Variants in TRIM23 observed in about 807,000 individuals in gnomAD.
TRIM23 encodes the protein tripartite motif containing 23.
A neutral mutation model predicts 71.0 loss-of-function variants in TRIM23; 27 were observed. That is an observed-to-expected ratio of 0.38 (90% CI 0.28 to 0.52). The LOEUF is 0.52. TRIM23 is among the 20% of genes least tolerant of loss of function. The pLI is 0.84. For missense variants in TRIM23, 482 were observed against 692.3 expected, an observed-to-expected ratio of 0.70 and a Z score of 3.41; for synonymous variants, 234 against 238.0, an observed-to-expected ratio of 0.98 and a Z score of 0.16.
rs1754820121 is a variant in TRIM23, at chr5:65,618,089, C to T, written c.244+4G>A. ...TCTTAAATCCATACAAATACTTTTCCTACCTAGGTCTGTTACTTGTCGATC... is the reference window on the plus strand; with the variant it reads ...TCTTAAATCCATACAAATACTTTTCTTACCTAGGTCTGTTACTTGTCGATC... On this transcript the variant is annotated splice_donor_region_variant and intron_variant, in intron 2 of 10. Coordinates refer to ENST00000231524, the MANE Select transcript of TRIM23 (RefSeq NM_001656.4). 2.5e-6 allele frequency: 4 copies of T among 1,585,084 alleles called. No individual in the cohort carries two copies. The highest frequency in any genetic ancestry group is 3.4e-6 in the Non-Finnish European group (4 of 1,166,468).
Position 65,591,199 on chromosome 5 carries a change from C to A in TRIM23, c.*570G>T. The A allele has an allele frequency of 8.5e-7, 1 of 1,170,924 alleles. No individual in the cohort carries two copies. Among genetic ancestry groups the A allele is most frequent in the Non-Finnish European group, 1.1e-6 (1 of 947,120 alleles). 72.5% of individuals were successfully genotyped at this position (1,170,924 alleles called of 1,614,324 possible). ...TATATAAAGTATTAATTTTCTGTAC[C>A]TTATAGTTCTTAGCATTAAAGGTGT... On this transcript the variant is annotated 3_prime_UTR_variant, in exon 11 of 11. Coordinates refer to ENST00000231524, the MANE Select transcript of TRIM23 (RefSeq NM_001656.4).
intron 1 of TRIM23, 87 bp from the exon 2 acceptor site, chr5:65,618,342 T>C: frequency 3.7e-6 from 5 of 1,344,126 alleles, no homozygotes; most frequent in African/African-American, 1.5e-5. Context: ...ACCTAATATA[T>C]TGAATCAACA....
chr5:65,608,070 G>A (rs1325998328), intron 6 of TRIM23, among the ~76,000 whole-genome samples: 1 of 152,230 alleles, frequency 6.6e-6, no homozygotes, highest in African/African-American at 2.4e-5. Context: ...AAGGAACTCT[G>A]AGGTATTAAG....
chr5:65,620,521 T>C (rs62372485), intron 1 of TRIM23, among the ~76,000 whole-genome samples: 11,265 of 152,138 alleles, frequency 0.074, 422 homozygotes, highest in East Asian at 0.096. Flanking sequence ...TTTCATATGA[T>C]TAAAACAAAA....
Position 65,611,642 on chromosome 5 carries a change from G to A in TRIM23, c.606C>T (p.Cys202=). 1 of 1,614,146 alleles carries A rather than the reference G, an allele frequency of 6.2e-7. No individual in the cohort carries two copies. Among genetic ancestry groups the A allele is most frequent in the Non-Finnish European group, 8.5e-7 (1 of 1,180,014 alleles). The change falls in exon 4 of 11, where the codon TGC becomes TGT. Residue 202 remains cysteine (C), a synonymous_variant. Transcript: ENST00000231524. ...EEGCQTSPLM[C]CVCKEYGKHQ... ...GTTTTCCATATTCTTTGCAGACACA[G>A]CACATGAGTGGGCTAGTTTGACAAC... is the stretch of plus-strand genomic sequence containing the variant.
intron 7 of TRIM23, among the ~76,000 whole-genome samples, chr5:65,601,289 T>C (rs139259751): frequency 2.1e-4 from 32 of 152,224 alleles, no homozygotes; most frequent in African/African-American, 6.0e-4. Flanking sequence ...GGTATACACA[T>C]TGTATTAGTC....
intron 5 of TRIM23, among the ~76,000 whole-genome samples, chr5:65,609,974 GTC>G (rs1456271869): frequency 3.3e-5 from 5 of 152,088 alleles, no homozygotes; most frequent in African/African-American, 1.2e-4. Flanking sequence ...TAGCCCACTA[GTC>G]CCTCAGCAAA....
chr5:65,595,941 A>C (rs1181238432), intron 9 of TRIM23, among the ~76,000 whole-genome samples: 1 of 152,190 alleles, frequency 6.6e-6, no homozygotes, highest in Non-Finnish European at 1.5e-5. Flanking sequence ...GATATGATAT[A>C]ATACGGTTTG....
intron 5 of TRIM23, among the ~76,000 whole-genome samples, chr5:65,610,256 AAAC>A (rs1754616895): frequency 6.6e-6 from 1 of 152,194 alleles, no homozygotes; most frequent in African/African-American, 2.4e-5. Flanking sequence ...TCTACATTTA[AAAC>A]AACCTTTCTT....
At position 65,590,250 on chromosome 5, in the gene TRIM23, C is replaced by A. The variant is rs369536994; in HGVS notation, c.*1519G>T. 3 of 1,048,140 alleles carry A rather than the reference C, an allele frequency of 2.9e-6. No individual in the cohort carries two copies. Among genetic ancestry groups the A allele is most frequent in the East Asian group, 2.5e-5 (1 of 39,280 alleles). 64.9% of individuals were successfully genotyped at this position (1,048,140 alleles called of 1,614,324 possible). A position where few individuals can be genotyped will look rare whatever the true frequency, so the allele number is the denominator to read the frequency against. ...CAGTCAAATATTAAATAATTTAATT[C>A]GGAAGTATTATTTATGCACACAAAC... On this transcript the variant is annotated 3_prime_UTR_variant, in exon 11 of 11. Coordinates refer to ENST00000231524, the MANE Select transcript of TRIM23 (RefSeq NM_001656.4).
intron 8 of TRIM23, 71 bp from the exon 9 acceptor site, chr5:65,596,602 AC>A: frequency 1.1e-6 from 1 of 909,040 alleles, no homozygotes. Context: ...AACACAGACA[AC>A]CCCCAGTTTA....
intron 9 of TRIM23, among the ~76,000 whole-genome samples, chr5:65,595,620 G>C (rs899216553): frequency 4.6e-5 from 7 of 151,972 alleles, no homozygotes; most frequent in African/African-American, 1.4e-4. Flanking sequence ...TAACTACTTG[G>C]GAAGTTAAGG....
intron 6 of TRIM23, among the ~76,000 whole-genome samples, chr5:65,606,586 T>C (rs1166273345): frequency 6.6e-6 from 1 of 152,152 alleles, no homozygotes; most frequent in Non-Finnish European, 1.5e-5. Context: ...CTTATTCTAC[T>C]CCAGTCAAGA....
chr5:65,600,022 G>C (rs1472382182), intron 7 of TRIM23, among the ~76,000 whole-genome samples: 3 of 152,146 alleles, frequency 2.0e-5, no homozygotes, highest in Non-Finnish European at 4.4e-5. Context: ...GGAAAGCAAA[G>C]AGGGAGTGAG....
chr5:65,623,176 G>T (rs1226017810), intron 1 of TRIM23, among the ~76,000 whole-genome samples: 1 of 152,174 alleles, frequency 6.6e-6, no homozygotes, highest in Non-Finnish European at 1.5e-5. Flanking sequence ...AATCATAGGT[G>T]TCTACTTTTC....
At chr5:65,613,490 T>G (rs2150637789) in intron 3 of TRIM23, among the ~76,000 whole-genome samples, 1 of 152,326 alleles carries the variant, frequency 6.6e-6, no homozygotes, top group Admixed American at 6.5e-5. Context: ...ACGAAAGCCA[T>G]GTCCTATAGT....
intron 1 of TRIM23, among the ~76,000 whole-genome samples, chr5:65,619,953 G>A (rs1031621715): frequency 6.6e-6 from 1 of 152,092 alleles, no homozygotes; most frequent in Non-Finnish European, 1.5e-5. Context: ...GCATAGTGGT[G>A]GGCGCCTGTA....
chr5:65,616,259 G>C (rs1211254488), intron 2 of TRIM23, among the ~76,000 whole-genome samples: 4 of 152,174 alleles, frequency 2.6e-5, no homozygotes. Flanking sequence ...ATTCAGTCTA[G>C]TTCCCTGTCA....
At chr5:65,613,614 CA>C in intron 3 of TRIM23, 1 of 841,504 alleles carries the variant, frequency 1.2e-6, no homozygotes, top group Non-Finnish European at 1.5e-6. Flanking sequence ...TGGATAAAGA[CA>C]GTACATCTAT....
Sources: gnomAD v4.1 joint callset for allele counts (sites outside exome capture counted in the v4.1 genomes callset) on GRCh38, gnomAD v4.1.1 for gene constraint, MANE v1.5 for transcripts, NCBI Gene and HGNC (gene_info 2026-07-23, HGNC 2026-07-21) for gene names.